Variants in TRIM37 observed in about 807,000 individuals in gnomAD.
TRIM37 encodes E3 ubiquitin-protein ligase TRIM37.
Under a neutral mutation model 129.8 loss-of-function variants are expected in TRIM37, and 80 were observed. The observed-to-expected ratio is 0.62, with a 90% CI of 0.51 to 0.74. The LOEUF is 0.74. Among genes scored for constraint, TRIM37 ranks in the 30% least tolerant of loss-of-function variants. The pLI, the probability that TRIM37 is intolerant of heterozygous loss-of-function variation, is 0.00. For missense variants in TRIM37, 1,054 were observed against 1,176.5 expected, an observed-to-expected ratio of 0.90 and a Z score of 1.52; for synonymous variants, 389 against 387.1, an observed-to-expected ratio of 1.00 and a Z score of -0.06.
At chr17:58,973,324 G>C in the TRIM37 span, among the ~76,000 whole-genome samples, 1 of 151,858 alleles carries the variant, frequency 6.6e-6, no homozygotes, top group Non-Finnish European at 1.5e-5. Context: ...GGCTGAGGCA[G>C]GAATATTGCT....
chr17:59,028,662 A>G lies in TRIM37; in HGVS notation c.2010T>C (p.Ser670=), dbSNP rs768879481. Residue 670 remains serine (S), a synonymous_variant, in exon 19 of 24, where the codon TCT becomes TCC. Coordinates refer to ENST00000262294, the MANE Select transcript of TRIM37 (RefSeq NM_015294.6). ...TGAGTCTTTTTAGCATCTTTAAATC[A>G]GAGGGCACTCGCCACATTGCCTGTT... ...RKQQAMWRVP[S]DLKMLKRLKT... The G allele has an allele frequency of 1.2e-6, 2 of 1,614,108 alleles. No homozygotes were observed. Among genetic ancestry groups the G allele is most frequent in the African/African-American group, 1.3e-5 (1 of 74,944 alleles).
At chr17:59,024,237 AAAT>A (rs1349012583) in intron 19 of TRIM37, among the ~76,000 whole-genome samples, 11 of 151,142 alleles carry the variant, frequency 7.3e-5, no homozygotes, top group African/African-American at 2.7e-4. Flanking sequence ...AAAAAAAAAA[AAAT>A]TGCCACATTG....
Position 59,104,412 on chromosome 17 carries a change from TG to T in TRIM37, c.22-19del. 1 of 1,609,028 alleles carries T rather than the reference TG, an allele frequency of 6.2e-7. No individual in the cohort carries two copies. The highest frequency in any genetic ancestry group is 8.5e-7 in the Non-Finnish European group (1 of 1,175,380). On this transcript the variant is annotated intron_variant, in intron 1 of 23. Coordinates refer to ENST00000262294, the MANE Select transcript of TRIM37 (RefSeq NM_015294.6). Reference sequence around the variant, plus strand: ...GCAATGCTCTGAAAACAGTAAAAGATGTAAGGTCCACCAGTTTAGGCTACTG... The same window carrying T: ...GCAATGCTCTGAAAACAGTAAAAGATTAAGGTCCACCAGTTTAGGCTACTG...
At chr17:58,993,512 C>A (rs181438474), downstream of TRIM37, among the ~76,000 whole-genome samples, 1 of 152,210 alleles carries the variant, frequency 6.6e-6, no homozygotes, top group South Asian at 2.1e-4. Context: ...AACTTAACTG[C>A]ACTTTGCGAA....
chr17:59,045,078 G>T (rs1262053981), intron 16 of TRIM37, among the ~76,000 whole-genome samples: 2 of 151,986 alleles, frequency 1.3e-5, no homozygotes, highest in Admixed American at 1.3e-4. Context: ...TGTAATCCCA[G>T]CACTTTGGGA....
chr17:58,991,298 G>T (rs2144123296), intron 24 of TRIM37, among the ~76,000 whole-genome samples: 1 of 152,160 alleles, frequency 6.6e-6, no homozygotes. Context: ...CAATTTGGGA[G>T]GCGAAGGTGG....
chr17:59,052,870 G>A (rs1161274070), intron 13 of TRIM37, among the ~76,000 whole-genome samples: 3 of 152,054 alleles, frequency 2.0e-5, no homozygotes, highest in Non-Finnish European at 2.9e-5. Flanking sequence ...CAGGAGAATC[G>A]CTTGAATCTG....
At chr17:58,988,950 T>C (rs571064946) in intron 24 of TRIM37, among the ~76,000 whole-genome samples, 16 of 152,226 alleles carry the variant, frequency 1.1e-4, no homozygotes, top group Non-Finnish European at 2.2e-4. Flanking sequence ...CCAGCCATAA[T>C]ATATTAATTC....
intron 22 of TRIM37, among the ~76,000 whole-genome samples, chr17:59,002,841 G>T (rs746162543): frequency 1.3e-5 from 2 of 151,896 alleles, no homozygotes; most frequent in Non-Finnish European, 2.9e-5. Flanking sequence ...CCACAGAAAG[G>T]GAATTAAAAG....
intron 7 of TRIM37, among the ~76,000 whole-genome samples, chr17:59,077,743 GA>G (rs1419032688): frequency 6.8e-6 from 1 of 147,086 alleles, no homozygotes; most frequent in Admixed American, 6.9e-5. Flanking sequence ...CTGGGAAGCA[GA>G]GGTTGCAGTG....
chr17:58,981,982 T>C (rs1221220235), downstream of TRIM37: 1 of 152,668 alleles, frequency 6.6e-6, no homozygotes, highest in African/African-American at 2.4e-5. Context: ...CATGTACTAC[T>C]ATAAAATACA....
intron 17 of TRIM37, among the ~76,000 whole-genome samples, chr17:59,040,381 T>C (rs978551437): frequency 1.3e-5 from 2 of 152,096 alleles, no homozygotes; most frequent in African/African-American, 2.4e-5. Flanking sequence ...TTATGCACGA[T>C]TTAGGACACA....
At chr17:59,083,888 T>G (rs373764011) in intron 5 of TRIM37, 114 bp downstream of exon 5, 1 of 848,598 alleles carries the variant, frequency 1.2e-6, no homozygotes, top group East Asian at 2.6e-5. Flanking sequence ...AGAAAGCAGA[T>G]GCATTTTAAC....
intron 19 of TRIM37, among the ~76,000 whole-genome samples, chr17:59,023,251 T>C (rs542865246): frequency 6.6e-6 from 1 of 152,226 alleles, no homozygotes; most frequent in Non-Finnish European, 1.5e-5. Flanking sequence ...AATTTTTTTG[T>C]ATTTTTAGTA....
At chr17:59,014,704 A>C (rs2035687108) in intron 21 of TRIM37, among the ~76,000 whole-genome samples, 1 of 150,530 alleles carries the variant, frequency 6.6e-6, no homozygotes, top group Non-Finnish European at 1.5e-5. Flanking sequence ...TGACAAGTGT[A>C]GGATAGACTG....
At chr17:59,064,280 T>C in intron 10 of TRIM37, 75 bp downstream of exon 10, 1 of 1,149,708 alleles carries the variant, frequency 8.7e-7, no homozygotes, top group Non-Finnish European at 1.3e-6. Context: ...TAGATTACTG[T>C]CTTACCAAAG....
chr17:59,080,575 G>A (rs1171440106), intron 6 of TRIM37, among the ~76,000 whole-genome samples: 6 of 152,126 alleles, frequency 3.9e-5, no homozygotes, highest in Non-Finnish European at 7.4e-5. Context: ...GGTGGATCAC[G>A]ACGTCAGGAG....
At chr17:59,011,871 G>C (rs2035296762) in intron 22 of TRIM37, among the ~76,000 whole-genome samples, 1 of 152,164 alleles carries the variant, frequency 6.6e-6, no homozygotes, top group African/African-American at 2.4e-5. Flanking sequence ...ATTCTAATTA[G>C]TTGTTCTAGG....
At chr17:58,967,260 G>A in the TRIM37 span, among the ~76,000 whole-genome samples, 4 of 151,930 alleles carry the variant, frequency 2.6e-5, no homozygotes, top group Non-Finnish European at 5.9e-5. Flanking sequence ...AAAAGTCTTA[G>A]GCATGTGTTT....
Sources: allele counts gnomAD v4.1 joint callset (sites outside exome capture counted in the v4.1 genomes callset), GRCh38; gene constraint gnomAD v4.1.1; transcripts MANE v1.5; gene names NCBI Gene and HGNC (gene_info 2026-07-23, HGNC 2026-07-21).